Variants in LIN52 observed in about 807,000 individuals in gnomAD.
LIN52 encodes the protein lin-52 DREAM MuvB core complex component.
LIN52 carries 4 observed loss-of-function variants against 18.5 expected under a neutral mutation model. The ratio of observed to expected loss-of-function variants is 0.22; its 90% CI spans 0.11 to 0.49. The LOEUF is 0.49. Among genes scored for constraint, LIN52 ranks in the 20% least tolerant of loss-of-function variants. The pLI is 0.97. For missense variants in LIN52, 102 were observed against 139.5 expected, an observed-to-expected ratio of 0.73 and a Z score of 1.35; for synonymous variants, 34 against 45.5, an observed-to-expected ratio of 0.75 and a Z score of 1.02.
chr14:74,106,891 C>G (rs2060900188), intron 5 of LIN52, among the ~76,000 whole-genome samples: 2 of 152,204 alleles, frequency 1.3e-5, no homozygotes, highest in Non-Finnish European at 2.9e-5. Context: ...ACGCCCGGCC[C>G]CGGCCTGATT....
At chr14:74,191,790 C>T (rs12896058) in intron 5 of LIN52, among the ~76,000 whole-genome samples, 17,182 of 152,060 alleles carry the variant, frequency 0.11, 1,259 homozygotes, top group Admixed American at 0.19. Flanking sequence ...CCCACCACCA[C>T]GCCTGGCTAA....
intron 5 of LIN52, among the ~76,000 whole-genome samples, chr14:74,196,318 T>C (rs1239469540): frequency 2.0e-5 from 3 of 152,048 alleles, no homozygotes; most frequent in Admixed American, 1.3e-4. Flanking sequence ...CTTTTAAAAT[T>C]CTAAGTCTTA....
intron 5 of LIN52, among the ~76,000 whole-genome samples, chr14:74,175,998 A>T (rs928711945): frequency 6.6e-6 from 1 of 152,036 alleles, no homozygotes; most frequent in African/African-American, 2.4e-5. Context: ...AAACACACAC[A>T]TTAACCTAGG....
intron 3 of LIN52, 80 bp downstream of exon 3, chr14:74,096,065 T>C (rs1250158014): frequency 1.1e-6 from 1 of 929,976 alleles, no homozygotes; most frequent in African/African-American, 1.7e-5. Context: ...TTCTTTATTT[T>C]ATTTTATTTT....
intron 5 of LIN52, among the ~76,000 whole-genome samples, chr14:74,151,433 GACTA>G (rs1271645702): frequency 6.6e-6 from 1 of 152,116 alleles, no homozygotes; most frequent in Non-Finnish European, 1.5e-5. Flanking sequence ...TTGAGATAAT[GACTA>G]ACTGCTTTAT....
At chr14:74,085,014 C>T (rs757053580) in intron 1 of LIN52, 21 bp downstream of exon 1, 1 of 1,378,666 alleles carries the variant, frequency 7.3e-7, no homozygotes, top group Non-Finnish European at 9.5e-7. Flanking sequence ...GCTTAGAGAT[C>T]TTTGCCTGCA....
intron 5 of LIN52, among the ~76,000 whole-genome samples, chr14:74,107,715 G>A (rs916597722): frequency 6.6e-6 from 1 of 152,066 alleles, no homozygotes; most frequent in African/African-American, 2.4e-5. Context: ...CCAGTTAGTA[G>A]TCATGCAAAT....
intron 5 of LIN52, among the ~76,000 whole-genome samples, chr14:74,115,004 C>T (rs1195870689): frequency 6.6e-6 from 1 of 152,164 alleles, no homozygotes; most frequent in Non-Finnish European, 1.5e-5. Flanking sequence ...CCTCTCTATA[C>T]AGTAGACATC....
chr14:74,141,612 A>G (rs1595172840), intron 5 of LIN52, among the ~76,000 whole-genome samples: 1 of 152,232 alleles, frequency 6.6e-6, no homozygotes, highest in Admixed American at 6.5e-5. Context: ...TTGTTTTAAA[A>G]TAGGAAATTC....
chr14:74,093,033 C>T (rs999039629), intron 2 of LIN52, among the ~76,000 whole-genome samples: 5 of 152,012 alleles, frequency 3.3e-5, no homozygotes, highest in African/African-American at 4.8e-5. Flanking sequence ...CTCACTGCAA[C>T]GTCCGCCTCC....
At chr14:74,137,498 C>CTTTTTTTTTTTTTTTTTTTTTTT (rs71460959) in intron 5 of LIN52, among the ~76,000 whole-genome samples, 1 of 111,604 alleles carries the variant, frequency 9.0e-6, no homozygotes, top group African/African-American at 3.7e-5. Flanking sequence ...CAGCAGCTCT[C>CTTTTTTTTTTTTTTTTTTTTTTT]TTTTTTTTTT....
intron 2 of LIN52, among the ~76,000 whole-genome samples, chr14:74,092,733 A>G (rs1200154100): frequency 6.6e-6 from 1 of 151,144 alleles, no homozygotes; most frequent in Non-Finnish European, 1.5e-5. Flanking sequence ...CCTCGCCAAC[A>G]TGGCGAAACC....
At chr14:74,086,067 CT>C (rs2060728583) in intron 1 of LIN52, among the ~76,000 whole-genome samples, 2 of 151,876 alleles carry the variant, frequency 1.3e-5, no homozygotes, top group Middle Eastern at 3.4e-3. Flanking sequence ...AAGAGTCTTT[CT>C]TAGAACACAG....
intron 5 of LIN52, among the ~76,000 whole-genome samples, chr14:74,157,952 A>G (rs34322104): frequency 0.015 from 2,323 of 152,142 alleles, 35 homozygotes; most frequent in Non-Finnish European, 0.024. Flanking sequence ...AATGTTCACA[A>G]TTCTTTCTTT....
intron 5 of LIN52, among the ~76,000 whole-genome samples, chr14:74,122,651 A>G (rs1056598670): frequency 2.0e-5 from 3 of 152,166 alleles, no homozygotes; most frequent in African/African-American, 7.2e-5. Flanking sequence ...AGATCACTTG[A>G]GGTCAGGAGT....
intron 5 of LIN52, among the ~76,000 whole-genome samples, chr14:74,185,210 A>G (rs117847543): frequency 0.011 from 1,694 of 152,142 alleles, 16 homozygotes; most frequent in Non-Finnish European, 0.019. Context: ...TGAAAAGACA[A>G]AAAGGAATTG....
intron 2 of LIN52, among the ~76,000 whole-genome samples, chr14:74,094,917 G>A (rs950988737): frequency 2.7e-5 from 4 of 150,836 alleles, no homozygotes; most frequent in African/African-American, 9.8e-5. Context: ...TAGTAGAGAC[G>A]GGGTTTCACT....
intron 5 of LIN52, among the ~76,000 whole-genome samples, chr14:74,171,225 G>T (rs984954251): frequency 6.6e-6 from 1 of 151,936 alleles, no homozygotes; most frequent in Admixed American, 6.6e-5. Flanking sequence ...AAAAAAATTT[G>T]CCAGGTGTGG....
chr14:74,118,455 A>T (rs1024700254), intron 5 of LIN52, among the ~76,000 whole-genome samples: 1 of 152,202 alleles, frequency 6.6e-6, no homozygotes, highest in Admixed American at 6.5e-5. Flanking sequence ...ACTCCCCTGT[A>T]ACCGTTGGTC....
Sources: gnomAD v4.1 joint callset for allele counts (sites outside exome capture counted in the v4.1 genomes callset) on GRCh38, gnomAD v4.1.1 for gene constraint, MANE v1.5 for transcripts, NCBI Gene and HGNC (gene_info 2026-07-23, HGNC 2026-07-21) for gene names.